CCDC171: variants seen among roughly 807,000 people sequenced by gnomAD.
CCDC171 encodes coiled-coil domain-containing protein 171.
In CCDC171, 177 loss-of-function variants were observed where a neutral mutation model predicts 168.2. The observed-to-expected ratio is 1.05, with a 90% confidence interval of 0.93 to 1.19. The LOEUF is 1.19. Among genes scored for constraint, CCDC171 ranks in the 50% most tolerant of loss-of-function variants. The pLI is 0.00. For missense variants in CCDC171, 1,991 were observed against 1,539.0 expected, an observed-to-expected ratio of 1.29 and a Z score of -4.91; for synonymous variants, 687 against 540.8, an observed-to-expected ratio of 1.27 and a Z score of -3.75.
chr9:16,105,697 G>GA, the CCDC171 span, among the ~76,000 whole-genome samples: 2 of 152,012 alleles, frequency 1.3e-5, no homozygotes, highest in East Asian at 1.9e-4. Context: ...TCAAGTTTAG[G>GA]AAAAAAACAC....
At chr9:15,914,281 G>A (rs560443672) in intron 24 of CCDC171, among the ~76,000 whole-genome samples, 1 of 152,314 alleles carries the variant, frequency 6.6e-6, no homozygotes, top group South Asian at 2.1e-4. Context: ...GTCCCAGGGA[G>A]ATGGGAGTTT....
At chr9:15,626,590 G>A (rs1339881343) in intron 7 of CCDC171, among the ~76,000 whole-genome samples, 1 of 152,152 alleles carries the variant, frequency 6.6e-6, no homozygotes, top group Non-Finnish European at 1.5e-5. Flanking sequence ...TTTTGTCTTT[G>A]GGTCTGTTTA....
chr9:15,625,986 C>T (rs190337498), intron 7 of CCDC171, among the ~76,000 whole-genome samples: 2 of 152,166 alleles, frequency 1.3e-5, no homozygotes, highest in East Asian at 1.9e-4. Flanking sequence ...TGTTCTCTTT[C>T]ATTTCATTGA....
At chr9:15,618,127 G>A (rs190636184) in intron 6 of CCDC171, among the ~76,000 whole-genome samples, 12 of 152,282 alleles carry the variant, frequency 7.9e-5, no homozygotes, top group Admixed American at 3.3e-4. Flanking sequence ...GACTGCAGCC[G>A]CCCCTTCCCC....
intron 24 of CCDC171, among the ~76,000 whole-genome samples, chr9:15,910,622 G>T (rs1823484023): frequency 6.6e-6 from 1 of 152,034 alleles, no homozygotes; most frequent in Non-Finnish European, 1.5e-5. Context: ...AGGTATACCT[G>T]TGCCATGTTG....
At chr9:16,077,554 A>G in the CCDC171 span, among the ~76,000 whole-genome samples, 1 of 152,160 alleles carries the variant, frequency 6.6e-6, no homozygotes, top group Non-Finnish European at 1.5e-5. Flanking sequence ...ATGAGAAGAA[A>G]ACACCTGATC....
intron 3 of CCDC171, among the ~76,000 whole-genome samples, chr9:15,574,099 A>G (rs188704262): frequency 6.6e-6 from 1 of 151,826 alleles, no homozygotes; most frequent in East Asian, 1.9e-4. Context: ...CTCCAGATTT[A>G]TATTACTAAT....
chr9:15,907,762 G>C (rs926643601), intron 24 of CCDC171, among the ~76,000 whole-genome samples: 7 of 152,144 alleles, frequency 4.6e-5, no homozygotes, highest in African/African-American at 1.7e-4. Context: ...CTAGTCATCT[G>C]ACAAAGGGCT....
intron 23 of CCDC171, among the ~76,000 whole-genome samples, chr9:15,854,436 C>T (rs2061268706): frequency 6.6e-6 from 1 of 151,224 alleles, no homozygotes; most frequent in Admixed American, 6.6e-5. Flanking sequence ...GTAGTAATGT[C>T]CTCATTTTTA....
At chr9:15,635,019 A>G (rs1444519142) in intron 7 of CCDC171, among the ~76,000 whole-genome samples, 1 of 152,110 alleles carries the variant, frequency 6.6e-6, no homozygotes, top group East Asian at 1.9e-4. Flanking sequence ...TGTAATATAT[A>G]TTTTGTGTCT....
chr9:15,726,110 G>A (rs2053783001), intron 14 of CCDC171, among the ~76,000 whole-genome samples: 1 of 152,064 alleles, frequency 6.6e-6, no homozygotes, highest in African/African-American at 2.4e-5. Flanking sequence ...AGAGTAAAAA[G>A]GAAACATTCT....
At chr9:15,933,639 G>C in intron 25 of CCDC171, among the ~76,000 whole-genome samples, 1 of 151,882 alleles carries the variant, frequency 6.6e-6, no homozygotes, top group East Asian at 1.9e-4. Flanking sequence ...AAGCTTCCCT[G>C]CAAGAATGGC....
chr9:15,654,707 T>C (rs201663432), intron 7 of CCDC171, among the ~76,000 whole-genome samples: 1 of 152,148 alleles, frequency 6.6e-6, no homozygotes, highest in Admixed American at 6.5e-5. Flanking sequence ...CTCCAGTCTA[T>C]AGCTCCCAGC....
chr9:15,836,602 C>G (rs1003027641), intron 21 of CCDC171, among the ~76,000 whole-genome samples: 15 of 152,182 alleles, frequency 9.9e-5, no homozygotes, highest in African/African-American at 3.4e-4. Context: ...CCGCCTGCCT[C>G]GGCCTCCCAA....
intron 23 of CCDC171, among the ~76,000 whole-genome samples, chr9:15,859,003 A>G (rs928568588): frequency 1.2e-4 from 19 of 152,174 alleles, no homozygotes; most frequent in Non-Finnish European, 1.6e-4. Context: ...ATCATTGAGT[A>G]TGATATTAGC....
rs540693003 is a variant in CCDC171 at position 15,595,697 on chromosome 9, G to A, written c.675+1525G>A. Among the ~76,000 whole-genome samples, 4 of 151,916 alleles carry A rather than the reference G, an allele frequency of 2.6e-5. 1 individual carries two copies. The South Asian group carries it at 8.3e-4, about 31-fold the overall frequency. ...ATGGCTGGGTCAAATGGTATTTCTA[G>A]TTCTAGATCCCTGAGGAATTGCCAC... On this transcript the variant is annotated intron_variant, in intron 6 of 25. Transcript: ENST00000380701.
At chr9:15,829,434 G>T (rs1467999569) in intron 21 of CCDC171, among the ~76,000 whole-genome samples, 1 of 152,168 alleles carries the variant, frequency 6.6e-6, no homozygotes, top group East Asian at 1.9e-4. Flanking sequence ...ATGTAAAGAT[G>T]AGAAGAGGGA....
At chr9:16,016,339 T>G (rs775866647) in intron 3 of CCDC171, among the ~76,000 whole-genome samples, 1 of 152,138 alleles carries the variant, frequency 6.6e-6, no homozygotes, top group African/African-American at 2.4e-5. Context: ...CAGATTGCCT[T>G]CCCTCAGCCT....
chr9:15,829,326 G>A (rs2060138064), intron 21 of CCDC171, among the ~76,000 whole-genome samples: 3 of 152,230 alleles, frequency 2.0e-5, no homozygotes, highest in Non-Finnish European at 2.9e-5. Flanking sequence ...AAGAAAAGCC[G>A]ATACATGATA....
Sources: allele counts gnomAD v4.1 joint callset (sites outside exome capture counted in the v4.1 genomes callset), GRCh38; gene constraint gnomAD v4.1.1; transcripts MANE v1.5; gene names NCBI Gene and HGNC (gene_info 2026-07-23, HGNC 2026-07-21).